Variants in PCDHGB2 observed in about 807,000 individuals in gnomAD.
The protein encoded by PCDHGB2 is protocadherin gamma subfamily B, 2.
Under a neutral mutation model 59.3 loss-of-function variants are expected in PCDHGB2, and 55 were observed. That is an observed-to-expected ratio of 0.93 (90% CI 0.75 to 1.16). The LOEUF is 1.16. Among genes scored for constraint, PCDHGB2 ranks in the 50% most tolerant of loss-of-function variants. The pLI is 0.00. For missense variants in PCDHGB2, 1,228 were observed against 1,198.5 expected, an observed-to-expected ratio of 1.02 and a Z score of -0.36; for synonymous variants, 516 against 512.0, an observed-to-expected ratio of 1.01 and a Z score of -0.11.
At chr5:141,508,662 T>G (rs2099870759) in intron 3 of PCDHGB2, among the ~76,000 whole-genome samples, 1 of 152,122 alleles carries the variant, frequency 6.6e-6, no homozygotes, top group Non-Finnish European at 1.5e-5. Context: ...CCTGTCATTC[T>G]GTCTCTGCCT....
chr5:141,461,560 T>G (rs1355320881), intron 1 of PCDHGB2, among the ~76,000 whole-genome samples: 1 of 152,234 alleles, frequency 6.6e-6, no homozygotes, highest in African/African-American at 2.4e-5. Context: ...ATGTGTACTT[T>G]GCAAAGATAA....
intron 1 of PCDHGB2, chr5:141,430,711 C>T (rs2097304226): frequency 1.3e-6 from 2 of 1,483,856 alleles, no homozygotes; most frequent in African/African-American, 2.8e-5. Context: ...CTGCTCCTGA[C>T]TTCAGTGGTT....
intron 1 of PCDHGB2, among the ~76,000 whole-genome samples, chr5:141,438,702 C>A (rs1217378337): frequency 5.7e-5 from 8 of 140,876 alleles, no homozygotes; most frequent in Non-Finnish European, 4.6e-5. Flanking sequence ...GCTCTGTCAC[C>A]CAGGCTGGAG....
At chr5:141,387,213 G>C (rs1279285840) in intron 1 of PCDHGB2, among the ~76,000 whole-genome samples, 4 of 152,128 alleles carry the variant, frequency 2.6e-5, no homozygotes, top group Admixed American at 1.3e-4. Flanking sequence ...ATACTCTCCG[G>C]AAAAAGTTGA....
intron 1 of PCDHGB2, chr5:141,375,243 C>G: frequency 6.2e-7 from 1 of 1,613,896 alleles, no homozygotes; most frequent in Non-Finnish European, 8.5e-7. Flanking sequence ...TGTTCCATCC[C>G]GAGAAGTCTC....
At chr5:141,398,928 T>C in intron 1 of PCDHGB2, 4 of 1,613,962 alleles carry the variant, frequency 2.5e-6, no homozygotes, top group Non-Finnish European at 3.4e-6. Flanking sequence ...TGTCAGCCAC[T>C]GACCAAGACG....
intron 1 of PCDHGB2, chr5:141,421,678 G>C (rs903229017): frequency 3.7e-6 from 6 of 1,613,776 alleles, no homozygotes; most frequent in Non-Finnish European, 5.1e-6. Context: ...AATTCCTGGG[G>C]CGCGATTTGC....
intron 1 of PCDHGB2, chr5:141,364,591 G>C (rs754833725): frequency 3.7e-6 from 6 of 1,614,076 alleles, no homozygotes; most frequent in Non-Finnish European, 3.4e-6. Context: ...TGGTCACCGC[G>C]GGCAGGATAG....
At chr5:141,377,453 C>T (rs1242702883) in intron 1 of PCDHGB2, 1 of 151,916 alleles carries the variant, frequency 6.6e-6, no homozygotes, top group Non-Finnish European at 1.5e-5. Flanking sequence ...AAAAAGTAGC[C>T]AGATGTGTGG....
chr5:141,376,672 TA>T, intron 1 of PCDHGB2: 1 of 691,294 alleles, frequency 1.4e-6, no homozygotes, highest in Non-Finnish European at 2.3e-6. Flanking sequence ...CAGGTGAGGG[TA>T]TCGTTTTTTT....
intron 1 of PCDHGB2, chr5:141,410,836 ATT>A (rs371761731): frequency 1.6e-5 from 4 of 254,870 alleles, no homozygotes; most frequent in African/African-American, 1.4e-4. Flanking sequence ...GACTGAAGAT[ATT>A]TTGTCTTTGT....
In PCDHGB2 at chr5:141,384,899, G is replaced by A; in HGVS notation, c.2421+22343G>A. On this transcript the variant is annotated intron_variant, in intron 1 of 3. Transcript: ENST00000522605. ...ACACTCACCGTGGCTGTGGCTGACA[G>A]CATCCCCGAAGTCTTGGCCGACCTG... The A allele has an allele frequency of 1.9e-6, 3 of 1,613,894 alleles. No homozygotes were observed. In the East Asian group the frequency reaches 6.7e-5, roughly 36 times the overall value.
intron 1 of PCDHGB2, chr5:141,409,411 AC>A (rs1172458730): frequency 6.2e-7 from 1 of 1,614,004 alleles, no homozygotes; most frequent in African/African-American, 1.3e-5. Flanking sequence ...ACTACTACAA[AC>A]TGGTGACAGA....
rs201120335 is a variant in PCDHGB2, at chr5:141,389,439, G to T, written c.2421+26883G>T. On this transcript the variant is annotated intron_variant, in intron 1 of 3. Transcript: ENST00000522605. ...GGTGGTGTTCGCGCAGCGCGCCTTC[G>T]ACCACGAGCAGCTGCGCGCCTTCGA... The T allele has an allele frequency of 4.0e-4, 652 of 1,610,462 alleles. No individual in the cohort carries two copies. The highest frequency in any genetic ancestry group is 5.4e-4 in the Non-Finnish European group (638 of 1,178,376).
chr5:141,505,558 C>A (rs945428797), intron 3 of PCDHGB2, 77 bp downstream of exon 3: 1 of 1,605,016 alleles, frequency 6.2e-7, no homozygotes, highest in African/African-American at 1.3e-5. Context: ...ACCATGCCCA[C>A]GGACTGGATG....
At chr5:141,461,740 G>A (rs770518286) in intron 1 of PCDHGB2, among the ~76,000 whole-genome samples, 4 of 152,072 alleles carry the variant, frequency 2.6e-5, no homozygotes, top group Non-Finnish European at 2.9e-5. Context: ...GCACAATCCC[G>A]GCTCCCAGAT....
At chr5:141,385,376 C>T in intron 1 of PCDHGB2, 1 of 1,523,128 alleles carries the variant, frequency 6.6e-7, no homozygotes. Context: ...CATGATATTT[C>T]TCTATTATTT....
intron 1 of PCDHGB2, chr5:141,471,227 T>C (rs2099253010): frequency 6.6e-6 from 1 of 151,604 alleles, no homozygotes; most frequent in Admixed American, 6.6e-5. Flanking sequence ...TTTTTTGTAT[T>C]TTTAGTAGAG....
At chr5:141,383,556 C>T (rs1365311931) in intron 1 of PCDHGB2, 1 of 1,612,766 alleles carries the variant, frequency 6.2e-7, no homozygotes, top group Non-Finnish European at 8.5e-7. Context: ...ATGGCGGCGA[C>T]CCGCCCCGAT....
Sources: allele counts gnomAD v4.1 joint callset (sites outside exome capture counted in the v4.1 genomes callset), GRCh38; gene constraint gnomAD v4.1.1; transcripts MANE v1.5; gene names NCBI Gene and HGNC (gene_info 2026-07-23, HGNC 2026-07-21).